The following KREMEN1 variants were observed in gnomAD, a reference collection of about 807,000 sequenced individuals.
The protein encoded by KREMEN1 is kremen protein 1.
A neutral mutation model predicts 46.5 loss-of-function variants in KREMEN1; 30 were observed. The ratio of observed to expected loss-of-function variants is 0.65; its 90% CI spans 0.48 to 0.88. KREMEN1 has a LOEUF of 0.88. KREMEN1 is among the 40% of genes least tolerant of loss of function. The probability of loss-of-function intolerance (pLI) is 0.00; values close to 1 mark genes in which losing one functional copy is unlikely to be tolerated. For synonymous variants in KREMEN1, 214 were observed against 230.6 expected, an observed-to-expected ratio of 0.93 and a Z score of 0.65; for missense variants, 533 against 596.9, an observed-to-expected ratio of 0.89 and a Z score of 1.11.
At chr22:29,117,462 G>A (rs548139153) in intron 3 of KREMEN1, among the ~76,000 whole-genome samples, 60 of 152,140 alleles carry the variant, frequency 3.9e-4, no homozygotes, top group African/African-American at 1.4e-3. Context: ...AGCTACTTGG[G>A]AGGCTGAGGC....
At chr22:29,110,192 G>A (rs1211954232) in intron 3 of KREMEN1, among the ~76,000 whole-genome samples, 1 of 152,212 alleles carries the variant, frequency 6.6e-6, no homozygotes, top group Non-Finnish European at 1.5e-5. Context: ...TGAGGTGCCT[G>A]CATTCAACTG....
At chr22:29,137,771 A>T in intron 6 of KREMEN1, 97 bp downstream of exon 6, 1 of 984,216 alleles carries the variant, frequency 1.0e-6, no homozygotes, top group East Asian at 2.7e-5. Context: ...TGCGGGGCAG[A>T]TTGGGCCTCA....
chr22:29,162,760 T>C (rs1425039560), intron 9 of KREMEN1, among the ~76,000 whole-genome samples: 3 of 152,034 alleles, frequency 2.0e-5, no homozygotes, highest in Non-Finnish European at 2.9e-5. Context: ...TTATTGGGTA[T>C]ATATCCAAAA....
chr22:29,131,043 T>C (rs2038525646), intron 5 of KREMEN1, among the ~76,000 whole-genome samples: 1 of 152,226 alleles, frequency 6.6e-6, no homozygotes, highest in South Asian at 2.1e-4. Context: ...CCAGTTTCAG[T>C]TGGATACTTT....
intron 1 of KREMEN1, among the ~76,000 whole-genome samples, chr22:29,076,493 C>T (rs1485459541): frequency 6.6e-6 from 1 of 152,202 alleles, no homozygotes; most frequent in Non-Finnish European, 1.5e-5. Context: ...AACACCATTT[C>T]GACCTGCTAT....
At chr22:29,150,047 G>A (rs534615681), downstream of KREMEN1, among the ~76,000 whole-genome samples, 1 of 152,152 alleles carries the variant, frequency 6.6e-6, no homozygotes, top group African/African-American at 2.4e-5. Flanking sequence ...TGGCGAGGTC[G>A]GGTCCCGATG....
chr22:29,112,767 A>C (rs958830621), intron 3 of KREMEN1, among the ~76,000 whole-genome samples: 2 of 152,256 alleles, frequency 1.3e-5, no homozygotes, highest in Non-Finnish European at 2.9e-5. Context: ...AGTAAGCTTG[A>C]AATGAAAAAG....
chr22:29,107,841 T>G (rs2038085465), intron 3 of KREMEN1, among the ~76,000 whole-genome samples: 1 of 152,194 alleles, frequency 6.6e-6, no homozygotes, highest in Admixed American at 6.5e-5. Context: ...TTGTTTTACT[T>G]GATTGTACTT....
intron 9 of KREMEN1, among the ~76,000 whole-genome samples, chr22:29,157,792 G>A (rs1569342553): frequency 1.3e-5 from 2 of 152,204 alleles, no homozygotes; most frequent in Non-Finnish European, 2.9e-5. Flanking sequence ...CTGGGAGAAG[G>A]GCATTGTGTA....
At chr22:29,103,700 T>A (rs530701726) in intron 3 of KREMEN1, among the ~76,000 whole-genome samples, 14 of 152,292 alleles carry the variant, frequency 9.2e-5, no homozygotes, top group African/African-American at 3.4e-4. Flanking sequence ...TGAAAAACAT[T>A]CCCCCAATTT....
rs1016272548 is a variant in KREMEN1 at position 29,142,624 on chromosome 22, C to G, written c.*512C>G. 2.0e-6 allele frequency: 2 copies of G among 985,600 alleles called. No homozygotes were observed. Among genetic ancestry groups the G allele is most frequent in the Non-Finnish European group, 2.4e-6 (2 of 830,052 alleles). The allele number at this position is 985,600 out of a possible 1,614,324, so 61.1% of individuals were successfully genotyped here. A position where few individuals can be genotyped will look rare whatever the true frequency, so the allele number is the denominator to read the frequency against. ...GGAGTTGGTCCCATACAAGTGCGGA[C>G]TCCTGGACATTAGCGAGGTGTAAAG... On this transcript the variant is annotated 3_prime_UTR_variant, in exon 9 of 9. Transcript: ENST00000400335.
At chr22:29,151,879 A>C (rs1286406672) in intron 9 of KREMEN1, among the ~76,000 whole-genome samples, 1 of 151,922 alleles carries the variant, frequency 6.6e-6, no homozygotes, top group Non-Finnish European at 1.5e-5. Flanking sequence ...GTGTGGTAGC[A>C]CATGCCTGTA....
At chr22:29,167,105 G>C (rs1463470185) in exon 10 of KREMEN1, 1 of 1,551,396 alleles carries the variant, frequency 6.4e-7, no homozygotes, top group Non-Finnish European at 8.7e-7. Context: ...AGAAGTATCT[G>C]ACTGTAGACA....
chr22:29,131,570 G>A (rs1377482618), intron 5 of KREMEN1, among the ~76,000 whole-genome samples: 50 of 125,884 alleles, frequency 4.0e-4, no homozygotes, highest in African/African-American at 1.9e-3. Context: ...ATGTGTGTGT[G>A]TGTGTGTGTG....
At chr22:29,093,826 A>C (rs1198313838) in intron 1 of KREMEN1, among the ~76,000 whole-genome samples, 4 of 152,190 alleles carry the variant, frequency 2.6e-5, no homozygotes, top group Non-Finnish European at 4.4e-5. Flanking sequence ...GGAAGAGCTC[A>C]GTTACAGCTG....
intron 1 of KREMEN1, among the ~76,000 whole-genome samples, chr22:29,089,676 AC>A (rs755255982): frequency 1.2e-4 from 18 of 152,184 alleles, no homozygotes; most frequent in Non-Finnish European, 1.9e-4. Context: ...TACACTTAGA[AC>A]AAAAGCCAAA....
chr22:29,096,077 T>G (rs920950213), intron 2 of KREMEN1, among the ~76,000 whole-genome samples: 2 of 152,206 alleles, frequency 1.3e-5, no homozygotes, highest in African/African-American at 4.8e-5. Flanking sequence ...TTCTTTTATA[T>G]TTTATTTTCC....
In KREMEN1 at chr22:29,141,969, G is replaced by A; in HGVS notation, c.1234G>A (p.Asp412Asn). 1 of 1,607,388 alleles carries A rather than the reference G, an allele frequency of 6.2e-7. No individual in the cohort carries two copies. Among genetic ancestry groups the A allele is most frequent in the Non-Finnish European group, 8.5e-7 (1 of 1,177,670 alleles). Residue 412 changes from aspartate (D) to asparagine (N), a missense_variant, in exon 9 of 9, where the codon GAC becomes AAC. Asp to Asn is a conservative substitution (Grantham distance 23, BLOSUM62 1). Transcript: ENST00000400335. ...FKSHRVPASG[D>N]LRDCHQPGTS... ...ATCCCATCGTGTTCCTGCTTCAGGG[G>A]ACCTTAGGGATTGTCATCAACCAGG...
chr22:29,132,780 T>C (rs1252737659), intron 5 of KREMEN1, among the ~76,000 whole-genome samples: 1 of 152,242 alleles, frequency 6.6e-6, no homozygotes, highest in Non-Finnish European at 1.5e-5. Context: ...ACCTGCATTT[T>C]TTTGAGTAAT....
Sources: gnomAD v4.1 joint callset for allele counts (sites outside exome capture counted in the v4.1 genomes callset) on GRCh38, gnomAD v4.1.1 for gene constraint, MANE v1.5 for transcripts, NCBI Gene and HGNC (gene_info 2026-07-23, HGNC 2026-07-21) for gene names.